DCAKD: variants seen among roughly 807,000 people sequenced by gnomAD.
The protein encoded by DCAKD is dephospho-CoA kinase domain containing.
Under a neutral mutation model 18.7 loss-of-function variants are expected in DCAKD, and 15 were observed. That is an observed-to-expected ratio of 0.80 (90% confidence interval 0.54 to 1.24). The LOEUF is 1.24. Among genes scored for constraint, DCAKD ranks in the 50% most tolerant of loss-of-function variants. The pLI is 0.00. For missense variants in DCAKD, 301 were observed against 322.0 expected (o/e 0.93, Z 0.50); for synonymous variants, 130 against 133.0 (o/e 0.98, Z 0.16).
chr17:45,031,179 A>G (rs2053164656), intron 3 of DCAKD: 3 of 985,254 alleles, frequency 3.0e-6, no homozygotes, highest in Middle Eastern at 5.2e-4. Flanking sequence ...ACATCACACC[A>G]ATTCCAAGGG....
chr17:45,030,722 T>C (rs1165057311), intron 3 of DCAKD, among the ~76,000 whole-genome samples: 1 of 152,264 alleles, frequency 6.6e-6, no homozygotes, highest in Non-Finnish European at 1.5e-5. Context: ...CAAGGTGGGC[T>C]GTCTCTACCA....
chr17:45,050,804 A>C (rs1597984488), intron 1 of DCAKD, among the ~76,000 whole-genome samples: 1 of 148,554 alleles, frequency 6.7e-6, no homozygotes, highest in Non-Finnish European at 1.5e-5. Flanking sequence ...TCCCACAACT[A>C]AGGGAGAGTG....
chr17:45,053,256 G>GGTTTGTTTGTTT (rs58025339), upstream of DCAKD, among the ~76,000 whole-genome samples: 8 of 138,622 alleles, frequency 5.8e-5, no homozygotes, highest in South Asian at 1.9e-3. Flanking sequence ...TTTTTTGTTT[G>GGTTTGTTTGTTT]GTTTGTTTGT....
rs1437842775 is a variant in DCAKD, at chr17:45,024,312, TGTGTGTGTGTGTGTGTGTGTGTGTGTGG to T, written c.*93_*120del. On this transcript the variant is annotated 3_prime_UTR_variant, in exon 5 of 5. Transcript: ENST00000651974. ...GTGTGTGTGTGTGTGTGTGTGTGTG[TGTGTGTGTGTGTGTGTGTGTGTGTGTGG>T]GGAGGGGGCTGAGAGGAAACAGGAT... 6.7e-4 allele frequency: 382 copies of T among 572,546 alleles called. 10 individuals are homozygous for T. Among genetic ancestry groups the T allele is most frequent in the Middle Eastern group, 9.4e-4 (2 of 2,128 alleles). The allele number at this position is 572,546 out of a possible 1,614,324, so 35.5% of individuals were successfully genotyped here.
At position 45,024,601 on chromosome 17, in the gene DCAKD, T is replaced by A. The variant is rs1162279267; in HGVS notation, c.528A>T (p.Leu176=). Residue 176 remains leucine, a synonymous_variant, in exon 5 of 5, where the codon CTA becomes CTT. Coordinates refer to ENST00000651974, the MANE Select transcript of DCAKD (RefSeq NM_001288655.2). The part of the protein sequence containing the change: ...TDKARMARHV[L]DNSGEWSVTK... ...TGACACTCCACTCGCCCGAGTTGTC[T>A]AGGACATGGCGGGCCATGCGGGCCT... The A allele has an allele frequency of 6.2e-7, 1 of 1,614,006 alleles. No individual in the cohort carries two copies. The highest frequency in any genetic ancestry group is 1.3e-5 in the African/African-American group (1 of 74,912).
At chr17:45,053,179 A>T (rs1027978135), upstream of DCAKD, among the ~76,000 whole-genome samples, 1 of 109,024 alleles carries the variant, frequency 9.2e-6, no homozygotes, top group African/African-American at 2.9e-5. Flanking sequence ...TAAAAAAAAA[A>T]AAAAAAAAAA....
chr17:45,048,321 A>G (rs781486113), intron 1 of DCAKD, among the ~76,000 whole-genome samples: 21 of 152,152 alleles, frequency 1.4e-4, no homozygotes, highest in Non-Finnish European at 2.1e-4. Context: ...TGCCTGGCCA[A>G]TATGGCAAAA....
intron 1 of DCAKD, among the ~76,000 whole-genome samples, chr17:45,041,832 TG>T (rs1240953010): frequency 6.7e-6 from 1 of 148,782 alleles, no homozygotes. Context: ...TCAAGAGCAA[TG>T]GGGGGCCATG....
At chr17:45,033,838 C>G in intron 3 of DCAKD, 3 of 1,219,182 alleles carry the variant, frequency 2.5e-6, no homozygotes, top group Non-Finnish European at 3.1e-6. Flanking sequence ...TGAAGTCACA[C>G]AGCTAGAAAG....
upstream of DCAKD, among the ~76,000 whole-genome samples, chr17:45,055,466 C>A (rs2053770407): frequency 6.6e-6 from 1 of 152,112 alleles, no homozygotes; most frequent in African/African-American, 2.4e-5. Flanking sequence ...ACCTCTGCCT[C>A]CCAGGCTCAA....
chr17:45,040,467 A>G, intron 1 of DCAKD, among the ~76,000 whole-genome samples: 1 of 151,944 alleles, frequency 6.6e-6, no homozygotes, highest in South Asian at 2.1e-4. Context: ...CTTCCTCCTC[A>G]ACACCAAAAG....
At chr17:45,053,256 G>GGGTT (rs1555602497), upstream of DCAKD, among the ~76,000 whole-genome samples, 3 of 138,620 alleles carry the variant, frequency 2.2e-5, no homozygotes, top group East Asian at 2.1e-4. Flanking sequence ...TTTTTTGTTT[G>GGGTT]GTTTGTTTGT....
chr17:45,048,739 G>A (rs944557775), intron 1 of DCAKD, among the ~76,000 whole-genome samples: 4 of 152,094 alleles, frequency 2.6e-5, no homozygotes, highest in African/African-American at 9.7e-5. Context: ...CTAGGAGGTA[G>A]AGGCTGCAGT....
At chr17:45,054,976 C>T (rs1401817155), upstream of DCAKD, among the ~76,000 whole-genome samples, 2 of 152,098 alleles carry the variant, frequency 1.3e-5, no homozygotes, top group South Asian at 2.1e-4. Flanking sequence ...CCTTGTGGTC[C>T]GATTTGCCAA....
chr17:45,052,079 G>A (rs1367724249), upstream of DCAKD, among the ~76,000 whole-genome samples: 1 of 138,968 alleles, frequency 7.2e-6, no homozygotes, highest in Admixed American at 7.1e-5. Context: ...GGTTGGGCGG[G>A]AGAGGTTGGG....
chr17:45,031,634 A>G (rs2053172600), intron 3 of DCAKD: 4 of 985,132 alleles, frequency 4.1e-6, no homozygotes, highest in Non-Finnish European at 4.8e-6. Flanking sequence ...CGGGCCTCTT[A>G]TCTCCCTTTC....
At chr17:45,031,360 T>C in intron 3 of DCAKD, 1 of 984,946 alleles carries the variant, frequency 1.0e-6, no homozygotes, top group East Asian at 1.1e-4. Flanking sequence ...ACACCTTGGT[T>C]GGTAGCCCCC....
chr17:45,044,886 G>A (rs1233243515), intron 1 of DCAKD, among the ~76,000 whole-genome samples: 1 of 152,198 alleles, frequency 6.6e-6, no homozygotes, highest in African/African-American at 2.4e-5. Context: ...TCCTTACAGA[G>A]TGGGCTGCAC....
chr17:45,034,695 A>T, intron 2 of DCAKD, 79 bp downstream of exon 2: 3 of 1,434,684 alleles, frequency 2.1e-6, no homozygotes, highest in Non-Finnish European at 2.9e-6. Context: ...TGAGACTTAT[A>T]AAAAAAGGAG....
Sources: gnomAD v4.1 joint callset for allele counts (sites outside exome capture counted in the v4.1 genomes callset) on GRCh38, gnomAD v4.1.1 for gene constraint, MANE v1.5 for transcripts, NCBI Gene and HGNC (gene_info 2026-07-23, HGNC 2026-07-21) for gene names.